The following TTLL8 variants were observed in gnomAD, a reference collection of about 807,000 sequenced individuals.
The protein encoded by TTLL8 is protein monoglycylase TTLL8.
TTLL8 carries 65 observed loss-of-function variants against 77.8 expected under a neutral mutation model. The ratio of observed to expected loss-of-function variants is 0.84; its 90% confidence interval spans 0.68 to 1.03. The LOEUF (loss-of-function observed/expected upper bound fraction) is 1.03. Among genes scored for constraint, TTLL8 ranks in the 50% least tolerant of loss-of-function variants. The probability of loss-of-function intolerance (pLI) is 0.00; values close to 1 mark genes in which losing one functional copy is unlikely to be tolerated. For synonymous variants in TTLL8, 402 were observed against 422.8 expected (o/e 0.95, Z 0.60); for missense variants, 910 against 1,004.5 (o/e 0.91, Z 1.27).
At chr22:50,055,863 G>A (rs1019760558), upstream of TTLL8, among the ~76,000 whole-genome samples, 7 of 152,166 alleles carry the variant, frequency 4.6e-5, no homozygotes, top group African/African-American at 1.7e-4. Context: ...TTGAATAGGG[G>A]CTGGTTAAAA....
intron 8 of TTLL8, among the ~76,000 whole-genome samples, chr22:50,040,261 C>T (rs1462541818): frequency 6.6e-6 from 1 of 151,816 alleles, no homozygotes; most frequent in Non-Finnish European, 1.5e-5. Flanking sequence ...TCATGGATCC[C>T]ACATGTGCCA....
chr22:50,032,299 G>C (rs1456460131), intron 10 of TTLL8, among the ~76,000 whole-genome samples, 190 bp from the exon 12 acceptor site: 1 of 152,234 alleles, frequency 6.6e-6, no homozygotes, highest in African/African-American at 2.4e-5. Context: ...ACAGGGCTCA[G>C]AGAGGCCATG....
At chr22:50,031,770 C>G (rs772006246) in exon 11 of TTLL8, 2 of 1,365,772 alleles carry the variant, frequency 1.5e-6, no homozygotes, top group Non-Finnish European at 2.0e-6. Flanking sequence ...CCTGTGCACA[C>G]AGCTGGGCCG....
chr22:50,046,465 G>A (rs1050257162), intron 4 of TTLL8, among the ~76,000 whole-genome samples: 1 of 152,226 alleles, frequency 6.6e-6, no homozygotes, highest in Non-Finnish European at 1.5e-5. Context: ...TTGTCACCCT[G>A]TTAAGGAAAA....
At chr22:50,055,974 T>C (rs766818217), upstream of TTLL8, among the ~76,000 whole-genome samples, 1 of 152,206 alleles carries the variant, frequency 6.6e-6, no homozygotes, top group African/African-American at 2.4e-5. Flanking sequence ...ATAAAGACCG[T>C]GTTGATAAAA....
chr22:50,047,398 G>C (rs554444115), intron 3 of TTLL8, 102 bp from the exon 6 acceptor site: 14 of 994,136 alleles, frequency 1.4e-5, no homozygotes, highest in Non-Finnish European at 2.0e-5. Context: ...GGCGTGCAGC[G>C]TGAGGATCCC....
At chr22:50,047,020 T>C in intron 4 of TTLL8, 148 bp downstream of exon 6, 1 of 1,148,050 alleles carries the variant, frequency 8.7e-7, no homozygotes, top group South Asian at 1.5e-5. Flanking sequence ...CGAGTGATTC[T>C]GGCCACGGCC....
At chr22:50,035,352 C>T (rs57814870) in intron 8 of TTLL8, among the ~76,000 whole-genome samples, 10,164 of 152,316 alleles carry the variant, frequency 0.067, 475 homozygotes, top group East Asian at 0.24. Context: ...GTTCCATTCA[C>T]ACCTGCTGGG....
intron 3 of TTLL8, among the ~76,000 whole-genome samples, chr22:50,048,462 T>C (rs1384878644): frequency 6.6e-6 from 1 of 152,042 alleles, no homozygotes; most frequent in Non-Finnish European, 1.5e-5. Flanking sequence ...CAGCCGTCCA[T>C]GAAGCAGGAC....
intron 12 of TTLL8, among the ~76,000 whole-genome samples, chr22:50,027,078 A>G (rs1288465033): frequency 6.6e-6 from 1 of 151,980 alleles, no homozygotes; most frequent in Non-Finnish European, 1.5e-5. Context: ...TACTAAAAAT[A>G]CAAAAAAATT....
At position 50,050,106 on chromosome 22, in the gene TTLL8, T is replaced by C. The variant is rs749927518; in HGVS notation, c.190+3A>G. On this transcript the variant is annotated splice_donor_region_variant and intron_variant, in intron 2 of 13. Transcript: ENST00000266182. Reference sequence around the variant, plus strand: ...GCTGAGACGTGCGCCTCCGATACGCTACCATTGACCCGGGCGCCTTCATCC... The same window carrying C: ...GCTGAGACGTGCGCCTCCGATACGCCACCATTGACCCGGGCGCCTTCATCC... 4.4e-6 allele frequency: 6 copies of C among 1,366,650 alleles called. No individual in the cohort carries two copies. In the East Asian group the frequency reaches 2.3e-4, roughly 52 times the overall value. 84.7% of individuals were successfully genotyped at this position (1,366,650 alleles called of 1,614,324 possible).
chr22:50,023,600 G>T (rs1295237582), intron 12 of TTLL8, among the ~76,000 whole-genome samples: 1 of 151,980 alleles, frequency 6.6e-6, no homozygotes, highest in Non-Finnish European at 1.5e-5. Context: ...CAGGATAATC[G>T]CTTGAACCTG....
intron 12 of TTLL8, 40 bp downstream of exon 13, chr22:50,030,390 G>T: frequency 7.9e-7 from 1 of 1,267,270 alleles, no homozygotes; most frequent in Non-Finnish European, 1.0e-6. Flanking sequence ...GCAGCAGGCG[G>T]CCCCCAAGCC....
chr22:50,034,281 C>T lies in TTLL8; in HGVS notation c.1039+64G>A, dbSNP rs2061319692. On this transcript the variant is annotated intron_variant, in intron 9 of 13. Coordinates refer to ENST00000266182, the Ensembl canonical transcript of TTLL8. The surrounding 1 kb of genome is among the most constrained non-coding windows in gnomAD (Gnocchi z 4.1). Reference sequence around the variant, plus strand: ...TGTGGGCCTGAAACTGTCCCTCACTCACGGCTCCTGGCATCAAGTGTGGCC... The same window carrying T: ...TGTGGGCCTGAAACTGTCCCTCACTTACGGCTCCTGGCATCAAGTGTGGCC... 1 of 1,307,970 alleles carries T rather than the reference C, an allele frequency of 7.6e-7. No homozygotes were observed. Among genetic ancestry groups the T allele is most frequent in the African/African-American group, 1.5e-5 (1 of 66,538 alleles). The allele number at this position is 1,307,970 out of a possible 1,614,324, so 81.0% of individuals were successfully genotyped here.
chr22:50,056,699 T>G (rs2061472601), upstream of TTLL8: 30 of 965,478 alleles, frequency 3.1e-5, no homozygotes, highest in Middle Eastern at 1.0e-3. This position sits in a 1 kb window ranked among gnomAD's most constrained non-coding sequence, Gnocchi z 4.1. Flanking sequence ...CCAACACCCC[T>G]GGGGTCCTCC....
chr22:50,056,216 A>G (rs971654998), upstream of TTLL8, among the ~76,000 whole-genome samples: 7 of 152,248 alleles, frequency 4.6e-5, no homozygotes, highest in Admixed American at 2.6e-4. This position sits in a 1 kb window ranked among gnomAD's most constrained non-coding sequence, Gnocchi z 4.1. Context: ...CTGCAAGTCC[A>G]TGAGGCCATA....
chr22:50,040,283 C>A (rs1477109620), intron 8 of TTLL8, among the ~76,000 whole-genome samples: 1 of 149,960 alleles, frequency 6.7e-6, no homozygotes, highest in Non-Finnish European at 1.5e-5. Flanking sequence ...CATGGACAGA[C>A]CTCATGGACC....
At chr22:50,043,261 C>T (rs368898648) in intron 6 of TTLL8, among the ~76,000 whole-genome samples, 1 of 151,186 alleles carries the variant, frequency 6.6e-6, no homozygotes, top group African/African-American at 2.4e-5. Context: ...ACAGTGGTGC[C>T]GAGACGTCCT....
chr22:50,032,688 C>T (rs1233704357), intron 10 of TTLL8, among the ~76,000 whole-genome samples: 2 of 152,252 alleles, frequency 1.3e-5, no homozygotes, highest in East Asian at 3.8e-4. Context: ...GCAAGGGCCA[C>T]ACAATAGTCA....
Sources: gnomAD v4.1 joint callset for allele counts (sites outside exome capture counted in the v4.1 genomes callset) on GRCh38, gnomAD v4.1.1 for gene constraint, Gnocchi (gnomAD v3.1) non-coding constraint, MANE v1.5 for transcripts, NCBI Gene and HGNC (gene_info 2026-07-23, HGNC 2026-07-21) for gene names.